The following MGAT5 variants were observed in gnomAD, a reference collection of about 807,000 sequenced individuals.
MGAT5 encodes the protein alpha-1,6-mannosylglycoprotein 6-beta-N-acetylglucosaminyltransferase, also known as alpha-1,6-mannosylglycoprotein 6-beta-N-acetylglucosaminyltransferase A.
MGAT5 carries 30 observed loss-of-function variants against 94.3 expected under a neutral mutation model. The ratio of observed to expected loss-of-function variants is 0.32; its 90% CI spans 0.24 to 0.43. The LOEUF (loss-of-function observed/expected upper bound fraction) is 0.43, where lower values mean the gene tolerates loss of function less well. MGAT5 is among the 20% of genes least tolerant of loss of function. The pLI is 1.00. For missense variants in MGAT5, 691 were observed against 905.5 expected (o/e 0.76, Z 3.04); for synonymous variants, 310 against 322.9 (o/e 0.96, Z 0.43).
Position 134,362,980 on chromosome 2 carries a change from T to C in MGAT5, c.1380+572T>C, listed in dbSNP as rs140845613. Among the ~76,000 whole-genome samples the C allele has an allele frequency of 2.0e-3, 304 of 152,376 alleles. 1 individual carries two copies. The Middle Eastern group carries it at 0.037, about 19-fold the overall frequency. On this transcript the variant is annotated intron_variant, in intron 10 of 15. Coordinates refer to ENST00000281923, the MANE Select transcript of MGAT5 (RefSeq NM_002410.5). Reference sequence around the variant, plus strand: ...GACCAAACCAAGTCCTCCAAAAGCATTGGGCCCCTTGGCCCTCCTGAGTTG... The same window carrying C: ...GACCAAACCAAGTCCTCCAAAAGCACTGGGCCCCTTGGCCCTCCTGAGTTG...
chr2:134,248,389 G>A (rs983121857), intron 1 of MGAT5, among the ~76,000 whole-genome samples: 2 of 152,210 alleles, frequency 1.3e-5, no homozygotes, highest in African/African-American at 4.8e-5. Flanking sequence ...GAAGGAGCAC[G>A]AACTGCTATG....
At chr2:134,367,743 T>C (rs1680526990) in intron 10 of MGAT5, among the ~76,000 whole-genome samples, 1 of 152,238 alleles carries the variant, frequency 6.6e-6, no homozygotes, top group Admixed American at 6.5e-5. Flanking sequence ...AAGTGAAGTG[T>C]AACTTAACTG....
chr2:134,263,106 T>G (rs1349763004), intron 1 of MGAT5, among the ~76,000 whole-genome samples: 1 of 152,178 alleles, frequency 6.6e-6, no homozygotes, highest in Non-Finnish European at 1.5e-5. Context: ...GGCCACCCTT[T>G]CCAAGAAGGT....
chr2:134,139,438 G>A (rs2104948301), intron 1 of MGAT5, among the ~76,000 whole-genome samples: 1 of 152,162 alleles, frequency 6.6e-6, no homozygotes, highest in African/African-American at 2.4e-5. Context: ...ATCTTACTCT[G>A]AGATGTTAAG....
At chr2:134,271,581 C>T (rs1684028354) in intron 2 of MGAT5, among the ~76,000 whole-genome samples, 1 of 152,132 alleles carries the variant, frequency 6.6e-6, no homozygotes. Context: ...TTACCTTTCC[C>T]ACCTCCCAGC....
At chr2:134,125,943 C>T (rs1685819240) in intron 1 of MGAT5, among the ~76,000 whole-genome samples, 2 of 152,334 alleles carry the variant, frequency 1.3e-5, no homozygotes, top group South Asian at 4.1e-4. Flanking sequence ...CTCCTCTCAG[C>T]ATTGATTTCC....
chr2:134,374,951 C>T, intron 10 of MGAT5, among the ~76,000 whole-genome samples: 1 of 152,172 alleles, frequency 6.6e-6, no homozygotes, highest in East Asian at 1.9e-4. Context: ...TGAGATAGTG[C>T]CACTGCACTG....
At position 134,452,870 on chromosome 2, in the gene MGAT5, G is replaced by A. The variant is rs1468949891; in HGVS notation, c.*4023G>A. Reference sequence around the variant, plus strand: ...GACGGATGGACATAAATAGATTCATGCTCATTTAGGAAGCTGGGAGTTTCG... The same window carrying A: ...GACGGATGGACATAAATAGATTCATACTCATTTAGGAAGCTGGGAGTTTCG... On this transcript the variant is annotated 3_prime_UTR_variant, in exon 16 of 16. Transcript: ENST00000281923. The A allele has an allele frequency of 1.3e-5, 2 of 152,234 alleles. No individual in the cohort carries two copies. Among genetic ancestry groups the A allele is most frequent in the Non-Finnish European group, 2.9e-5 (2 of 68,048 alleles). The allele number at this position is 152,234 out of a possible 1,614,324, so 9.4% of individuals were successfully genotyped here.
intron 14 of MGAT5, among the ~76,000 whole-genome samples, chr2:134,429,414 C>T (rs553493129): frequency 5.3e-5 from 8 of 152,298 alleles, no homozygotes; most frequent in East Asian, 1.9e-4. Context: ...CAAGAGAGCG[C>T]GCTCTGCAGC....
At chr2:134,224,454 A>G (rs990295831) in intron 1 of MGAT5, among the ~76,000 whole-genome samples, 3 of 152,208 alleles carry the variant, frequency 2.0e-5, no homozygotes, top group Non-Finnish European at 4.4e-5. Flanking sequence ...GTGAATTTTG[A>G]GGGAGAAGAG....
chr2:134,235,206 C>T (rs1287135538), intron 1 of MGAT5, among the ~76,000 whole-genome samples: 2 of 152,078 alleles, frequency 1.3e-5, no homozygotes, highest in South Asian at 2.1e-4. Context: ...CCATGCTCCC[C>T]GACCTCATAC....
intron 9 of MGAT5, among the ~76,000 whole-genome samples, chr2:134,354,100 G>A (rs1369287072): frequency 6.6e-6 from 1 of 152,096 alleles, no homozygotes; most frequent in Non-Finnish European, 1.5e-5. Context: ...CCGTTCCTTT[G>A]AATATCAAAA....
rs531472077 is a variant in MGAT5 at position 134,361,207 on chromosome 2, C to G, written c.1247-1068C>G. 5.9e-5 allele frequency among the ~76,000 whole-genome samples: 9 copies of G among 152,338 alleles called. No individual in the cohort carries two copies. In the South Asian group the frequency reaches 1.9e-3, roughly 32 times the overall value. Reference sequence around the variant, plus strand: ...GGGACCAGCTTCCTCTGTTTGTTGACCACCTATCTGTGAATGGATGTGGTG... The same window carrying G: ...GGGACCAGCTTCCTCTGTTTGTTGAGCACCTATCTGTGAATGGATGTGGTG... On this transcript the variant is annotated intron_variant, in intron 9 of 15. Coordinates refer to ENST00000281923, the MANE Select transcript of MGAT5 (RefSeq NM_002410.5).
intron 12 of MGAT5, among the ~76,000 whole-genome samples, chr2:134,421,158 CT>C (rs1166476501): frequency 1.3e-5 from 2 of 152,310 alleles, no homozygotes; most frequent in Non-Finnish European, 1.5e-5. Flanking sequence ...GTGGCACTGA[CT>C]TTGTTGCTTT....
At chr2:134,328,213 A>C (rs1687756027) in intron 4 of MGAT5, among the ~76,000 whole-genome samples, 1 of 151,958 alleles carries the variant, frequency 6.6e-6, no homozygotes, top group Admixed American at 6.6e-5. Context: ...CATCCCTTTA[A>C]ATTCTGCACC....
chr2:134,302,319 A>G (rs936587486), intron 2 of MGAT5, among the ~76,000 whole-genome samples: 1 of 152,156 alleles, frequency 6.6e-6, no homozygotes, highest in Non-Finnish European at 1.5e-5. Context: ...TGTTTAATGC[A>G]TATTGATTCA....
chr2:134,317,475 G>A (rs989037994), intron 2 of MGAT5, 54 bp from the exon 3 acceptor site: 5 of 1,320,524 alleles, frequency 3.8e-6, no homozygotes, highest in Middle Eastern at 1.9e-4. Flanking sequence ...AAGAATGTTA[G>A]GCTTGTGTTT....
At chr2:134,361,666 G>GC (rs1680106082) in intron 9 of MGAT5, among the ~76,000 whole-genome samples, 1 of 152,130 alleles carries the variant, frequency 6.6e-6, no homozygotes. Context: ...AGTGGTTTGT[G>GC]CCCCAGCAGG....
chr2:134,189,603 T>TTTTTTTTTTTTTTTG lies in MGAT5; in HGVS notation c.-142-64645_-142-64644insGTTTTTTTTTTTTTT, dbSNP rs1558978101. The stretch of plus-strand genomic sequence containing the variant: ...ACCTCATGGCTCTAGTTTTTTTTTG[T>TTTTTTTTTTTTTTTG]TTTTTTTTTTTTTTTTTAAGACAGA... On this transcript the variant is annotated intron_variant, in intron 1 of 16. Coordinates refer to the MGAT5 transcript ENST00000409645. 3.6e-4 allele frequency among the ~76,000 whole-genome samples: 21 copies of TTTTTTTTTTTTTTTG among 57,538 alleles called. 1 individual carries two copies. Among genetic ancestry groups the TTTTTTTTTTTTTTTG allele is most frequent in the South Asian group, 1.1e-3 (2 of 1,768 alleles). The allele number at this position is 57,538 out of a possible 152,430, so 37.7% of individuals were successfully genotyped here.
Sources: gnomAD v4.1 joint callset for allele counts (sites outside exome capture counted in the v4.1 genomes callset) on GRCh38, gnomAD v4.1.1 for gene constraint, MANE v1.5 for transcripts, NCBI Gene and HGNC (gene_info 2026-07-23, HGNC 2026-07-21) for gene names.